LAIR1: variants seen among roughly 807,000 people sequenced by gnomAD.
LAIR1 encodes leukocyte associated immunoglobulin like receptor 1, also known as leukocyte-associated immunoglobulin-like receptor 1.
LAIR1 carries 24 observed loss-of-function variants against 32.8 expected under a neutral mutation model. The observed-to-expected ratio is 0.73, with a 90% CI of 0.53 to 1.03. The LOEUF (loss-of-function observed/expected upper bound fraction) is 1.03. LAIR1 is among the 50% of genes least tolerant of loss of function. LAIR1 has a pLI of 0.00. For synonymous variants in LAIR1, 150 were observed against 140.5 expected (o/e 1.07, Z -0.48); for missense variants, 355 against 347.5 (o/e 1.02, Z -0.17).
upstream of LAIR1, among the ~76,000 whole-genome samples, chr19:54,365,680 G>T (rs576196508): frequency 1.3e-5 from 2 of 151,966 alleles, no homozygotes; most frequent in African/African-American, 4.8e-5. Flanking sequence ...TACTTGGAAG[G>T]TTGAGGCAGG....
chr19:54,365,188 C>T (rs1056813885), upstream of LAIR1: 27 of 436,254 alleles, frequency 6.2e-5, no homozygotes, highest in South Asian at 3.5e-4. Flanking sequence ...TTGGGCAAGA[C>T]GTTACAAAAC....
rs1417520640 is a variant in LAIR1, at chr19:54,356,717, T to C, written c.455-98A>G. The C allele has an allele frequency of 5.4e-6, 7 of 1,293,114 alleles. No homozygotes were observed. In the African/African-American group the frequency reaches 7.4e-5, roughly 14 times the overall value. The allele number at this position is 1,293,114 out of a possible 1,614,324, so 80.1% of individuals were successfully genotyped here. A position where few individuals can be genotyped will look rare whatever the true frequency, so the allele number is the denominator to read the frequency against. On this transcript the variant is annotated intron_variant, in intron 5 of 9. Transcript: ENST00000391742. ...CGTGCGTTTCATAGACTTACTAATA[T>C]ATAAAATATCTTAGGTAAATAATAG...
chr19:54,370,903 TGTGA>T (rs2082389451), upstream of LAIR1, among the ~76,000 whole-genome samples: 1 of 150,690 alleles, frequency 6.6e-6, no homozygotes, highest in Non-Finnish European at 1.5e-5. Flanking sequence ...AAAGCCATGC[TGTGA>T]GTATTTACAC....
chr19:54,355,478 A>G lies in LAIR1; in HGVS notation c.718-64T>C. On this transcript the variant is annotated intron_variant, in intron 9 of 9. Transcript: ENST00000391742. This position sits in a 1 kb window ranked among gnomAD's most constrained non-coding sequence, Gnocchi z 4.7. ...GAGGGTGAGACGAGGGGCTGTGGGGAGGGAGGGCTGTGGCGGCCATCTCCA... is the reference window on the plus strand; with the variant it reads ...GAGGGTGAGACGAGGGGCTGTGGGGGGGGAGGGCTGTGGCGGCCATCTCCA... 1 of 1,447,686 alleles carries G rather than the reference A, an allele frequency of 6.9e-7. No individual in the cohort carries two copies. The highest frequency in any genetic ancestry group is 2.2e-5 in the Admixed American group (1 of 45,218). The allele number at this position is 1,447,686 out of a possible 1,614,324, so 89.7% of individuals were successfully genotyped here. A position where few individuals can be genotyped will look rare whatever the true frequency, so the allele number is the denominator to read the frequency against.
chr19:54,363,478 G>A (rs1306728043), intron 2 of LAIR1, among the ~76,000 whole-genome samples: 4 of 152,128 alleles, frequency 2.6e-5, no homozygotes, highest in South Asian at 2.1e-4. Context: ...ATCGGTGTGC[G>A]GAGCTGACGC....
In LAIR1 at chr19:54,355,518, C is replaced by T. The variant is rs991220389; in HGVS notation, c.718-104G>A. The stretch of plus-strand genomic sequence containing the variant: ...GGCCATCTCCATGGGCCCTGAGGAC[C>T]CTCTCCTAAATTGCATCCGTGTGAA... On this transcript the variant is annotated intron_variant, in intron 9 of 9. Transcript: ENST00000391742. The surrounding 1 kb of genome is among the most constrained non-coding windows in gnomAD (Gnocchi z 4.7). 7.6e-6 allele frequency: 8 copies of T among 1,055,994 alleles called. No individual in the cohort carries two copies. The highest frequency in any genetic ancestry group is 9.4e-6 in the Non-Finnish European group (7 of 741,904). The allele number at this position is 1,055,994 out of a possible 1,614,324, so 65.4% of individuals were successfully genotyped here.
At chr19:54,365,850 C>T (rs2082235419), upstream of LAIR1, among the ~76,000 whole-genome samples, 1 of 151,552 alleles carries the variant, frequency 6.6e-6, no homozygotes, top group Non-Finnish European at 1.5e-5. Flanking sequence ...GCACTATTCG[C>T]AATAGCTAAG....
intron 2 of LAIR1, among the ~76,000 whole-genome samples, chr19:54,361,432 G>A (rs1023663455): frequency 2.6e-5 from 4 of 151,862 alleles, no homozygotes; most frequent in Admixed American, 2.6e-4. Flanking sequence ...AGGACCCTGA[G>A]ACTTGCTCAC....
At chr19:54,371,205 T>C (rs2082397909), upstream of LAIR1, among the ~76,000 whole-genome samples, 1 of 151,496 alleles carries the variant, frequency 6.6e-6, no homozygotes, top group South Asian at 2.1e-4. Context: ...AAGTCTTATA[T>C]TCAAATTTCC....
upstream of LAIR1, among the ~76,000 whole-genome samples, chr19:54,369,279 A>C (rs1407381592): frequency 6.6e-6 from 1 of 151,410 alleles, no homozygotes. Flanking sequence ...TTAACTGCAG[A>C]GAAGGGTTTC....
intron 3 of LAIR1, 76 bp downstream of exon 3, chr19:54,360,840 G>C: frequency 6.9e-7 from 1 of 1,450,194 alleles, no homozygotes; most frequent in Non-Finnish European, 9.5e-7. Flanking sequence ...ACAGCAGCTG[G>C]GACAGGGTCC....
In LAIR1 at chr19:54,356,569, C is replaced by G. The variant is rs766869122; in HGVS notation, c.505G>C (p.Gly169Arg). The stretch of plus-strand genomic sequence containing the variant: ...CAGAAGAGGAAGACCACTGAGACCC[C>G]GATGAGAATATACAGATGCTCAGCT... ...LKAEHLYILI[G>R]VSVVFLFCLL... Residue 169 changes from glycine (G) to arginine (R), a missense_variant, in exon 6 of 10, where the codon GGG becomes CGG. Transcript: ENST00000391742. 43 of 1,613,736 alleles carry G rather than the reference C, an allele frequency of 2.7e-5. No individual in the cohort carries two copies. The highest frequency in any genetic ancestry group is 3.6e-5 in the Non-Finnish European group (42 of 1,179,966).
In LAIR1 at chr19:54,355,812, G is replaced by A. The variant is rs984262796; in HGVS notation, c.717+142C>T. 4.5e-5 allele frequency: 30 copies of A among 662,538 alleles called. No homozygotes were observed. In the South Asian group the frequency reaches 5.1e-4, roughly 11 times the overall value. The allele number at this position is 662,538 out of a possible 1,614,324, so 41.0% of individuals were successfully genotyped here. ...AGCCTTCGGATGCACACAGCCCTGG[G>A]CGACCTCTCGACAGCAACCTCAGGA... is the stretch of plus-strand genomic sequence containing the variant. On this transcript the variant is annotated intron_variant, in intron 9 of 9. Transcript: ENST00000391742. The surrounding 1 kb of genome is among the most constrained non-coding windows in gnomAD (Gnocchi z 4.7).
Position 54,364,786 on chromosome 19 carries a change from C to CT in LAIR1, c.18_19insA (p.Ala7SerfsTer28). 1 of 1,613,902 alleles carries CT rather than the reference C, an allele frequency of 6.2e-7. No homozygotes were observed. The highest frequency in any genetic ancestry group is 1.1e-5 in the South Asian group (1 of 91,072). ...CAGGACTCACCTAGGCCCAGGAGGGCGGTGGGGTGGGGAGACATGGCCCAG... is the reference window on the plus strand; with the variant it reads ...CAGGACTCACCTAGGCCCAGGAGGGCTGGTGGGGTGGGGAGACATGGCCCAG... On this transcript the variant is annotated frameshift_variant, in exon 1 of 10. Transcript: ENST00000391742. LOFTEE classifies it high-confidence loss of function. This position sits in a 1 kb window ranked among gnomAD's most constrained non-coding sequence, Gnocchi z 4.8.
chr19:54,354,902 A>T lies in LAIR1; in HGVS notation c.*366T>A. 1 of 201,846 alleles carries T rather than the reference A, an allele frequency of 5.0e-6. No homozygotes were observed. Among genetic ancestry groups the T allele is most frequent in the Non-Finnish European group, 9.9e-6 (1 of 100,998 alleles). The allele number at this position is 201,846 out of a possible 1,614,324, so 12.5% of individuals were successfully genotyped here. ...TTGGAGGTGGCATCACTGCTCAGGA[A>T]ATCGGCTGATTGGCTGTAGCTGGGC... On this transcript the variant is annotated 3_prime_UTR_variant, in exon 10 of 10. Coordinates refer to ENST00000391742, the MANE Select transcript of LAIR1 (RefSeq NM_002287.6).
In LAIR1 at chr19:54,353,166, A is replaced by G. The variant is rs58531272; in HGVS notation, c.*2102T>C. 62,552 of 137,702 alleles carry G rather than the reference A, an allele frequency of 0.45. 13,264 individuals carry two copies. Among genetic ancestry groups the G allele is most frequent in the Middle Eastern group, 0.51 (132 of 258 alleles). The allele number at this position is 137,702 out of a possible 1,614,324, so 8.5% of individuals were successfully genotyped here. ...ACAAGAGCGAAACTCCATCTCAAAA[A>G]AAAAAAAAAAGAGAGAGAGAGACAG... On this transcript the variant is annotated 3_prime_UTR_variant, in exon 10 of 10. Transcript: ENST00000391742.
upstream of LAIR1, among the ~76,000 whole-genome samples, chr19:54,374,169 A>C (rs187841763): frequency 1.1e-4 from 17 of 152,262 alleles, no homozygotes; most frequent in African/African-American, 4.1e-4. Context: ...GTACCTGAGA[A>C]TGTATAGCCC....
At position 54,364,724 on chromosome 19, in the gene LAIR1, G is replaced by C. The variant is rs1457744162; in HGVS notation, c.34+47C>G. 1 of 1,529,014 alleles carries C rather than the reference G, an allele frequency of 6.5e-7. No individual in the cohort carries two copies. The highest frequency in any genetic ancestry group is 1.7e-5 in the Admixed American group (1 of 58,238). The allele number at this position is 1,529,014 out of a possible 1,614,324, so 94.7% of individuals were successfully genotyped here. On this transcript the variant is annotated intron_variant, in intron 1 of 9. Transcript: ENST00000391742. The surrounding 1 kb of genome is among the most constrained non-coding windows in gnomAD (Gnocchi z 4.8). ...TCAGGCTTGAGCAGGGAATTTTCCA[G>C]ACCTCCCGACCCCCTTTCCAGCCTC... is the stretch of plus-strand genomic sequence containing the variant.
In LAIR1 at chr19:54,356,377, T is replaced by C; in HGVS notation, c.605A>G (p.Glu202Gly). The C allele has an allele frequency of 1.3e-6, 2 of 1,591,768 alleles. No individual in the cohort carries two copies. Among genetic ancestry groups the C allele is most frequent in the Non-Finnish European group, 8.6e-7 (1 of 1,169,262 alleles). Residue 202 changes from glutamate to glycine, a missense_variant, in exon 7 of 10, where the codon GAG becomes GGG. By Grantham distance (98) the Glu-to-Gly change is moderately conservative. Coordinates refer to ENST00000391742, the MANE Select transcript of LAIR1 (RefSeq NM_002287.6). The part of the protein sequence containing the change: ...IKQGPPRSKD[E>G]EQKPQQRPDL... ...TCACCTCTGCTGTGGCTTCTGCTCC[T>C]CGTCCTTGCTTCTGGGGGGCCCTAA...
Sources: gnomAD v4.1 joint callset for allele counts (sites outside exome capture counted in the v4.1 genomes callset) on GRCh38, gnomAD v4.1.1 for gene constraint, Gnocchi (gnomAD v3.1) non-coding constraint, MANE v1.5 for transcripts, NCBI Gene and HGNC (gene_info 2026-07-23, HGNC 2026-07-21) for gene names.